BASP1: variants seen among roughly 807,000 people sequenced by gnomAD.
BASP1 encodes the protein brain acid soluble protein 1.
In BASP1, 1 loss-of-function variant was observed where a neutral mutation model predicts 2.2. The ratio of observed to expected loss-of-function variants is 0.46; its 90% CI spans 0.16 to 2.17. BASP1 has a LOEUF of 2.17. Ranked by LOEUF, BASP1 falls within the 30% of genes most tolerant of loss-of-function variation. The pLI is 0.27. For missense variants in BASP1, 352 were observed against 327.2 expected (o/e 1.08, Z -0.58); for synonymous variants, 187 against 154.2 (o/e 1.21, Z -1.58).
At chr5:17,257,258 A>T (rs1740232964) in intron 1 of BASP1, among the ~76,000 whole-genome samples, 1 of 152,244 alleles carries the variant, frequency 6.6e-6, no homozygotes, top group South Asian at 2.1e-4. Context: ...TCTACAGATT[A>T]TATAACAGAT....
chr5:17,222,350 T>C (rs1019032357), intron 1 of BASP1, among the ~76,000 whole-genome samples: 6 of 152,178 alleles, frequency 3.9e-5, no homozygotes, highest in Admixed American at 2.6e-4. Context: ...GAAGTGGCAT[T>C]TAAGTTCTCT....
intron 1 of BASP1, among the ~76,000 whole-genome samples, chr5:17,264,279 T>TA: frequency 6.6e-6 from 1 of 152,344 alleles, no homozygotes; most frequent in Non-Finnish European, 1.5e-5. Flanking sequence ...TTTCTTTATA[T>TA]AAAAAAGAAT....
intron 1 of BASP1, among the ~76,000 whole-genome samples, chr5:17,234,166 A>G (rs1739693437): frequency 1.3e-5 from 2 of 152,106 alleles, no homozygotes. Flanking sequence ...ACAAAAAACA[A>G]TACTGGAAAA....
intron 1 of BASP1, among the ~76,000 whole-genome samples, chr5:17,269,408 A>AAGGACC (rs1284626977): frequency 6.6e-6 from 1 of 152,144 alleles, no homozygotes; most frequent in Non-Finnish European, 1.5e-5. Flanking sequence ...GTAGGCAAAA[A>AAGGACC]AGGACCAGGC....
At chr5:17,266,019 C>T (rs1020252538) in intron 1 of BASP1, among the ~76,000 whole-genome samples, 1 of 152,186 alleles carries the variant, frequency 6.6e-6, no homozygotes, top group African/African-American at 2.4e-5. Context: ...TCAGTAACTC[C>T]AGTCGCCACA....
intron 1 of BASP1, among the ~76,000 whole-genome samples, chr5:17,223,788 T>G (rs1739436730): frequency 6.6e-6 from 1 of 152,220 alleles, no homozygotes; most frequent in South Asian, 2.1e-4. Context: ...AGCTTTGTTG[T>G]GTCTTGAATC....
Position 17,251,654 on chromosome 5 carries a change from TTTTAGTGGAACATA to T in BASP1, c.-9-23539_-9-23526del, listed in dbSNP as rs568375686. 1.5e-3 allele frequency among the ~76,000 whole-genome samples: 225 copies of T among 152,272 alleles called. 1 individual carries two copies. The highest frequency in any genetic ancestry group is 4.8e-3 in the African/African-American group (200 of 41,542). ...ACCTAGCAGTGGAGTTATGAACATA[TTTTAGTGGAACATA>T]TTTAGTGGAACATAAGCATTGGATG... is the stretch of plus-strand genomic sequence containing the variant. On this transcript the variant is annotated intron_variant, in intron 1 of 1. Coordinates refer to ENST00000322611, the MANE Select transcript of BASP1 (RefSeq NM_006317.5). The surrounding 1 kb of genome is among the most constrained non-coding windows in gnomAD (Gnocchi z 4.0).
chr5:17,224,943 C>T (rs1739465196), intron 1 of BASP1, among the ~76,000 whole-genome samples: 1 of 152,264 alleles, frequency 6.6e-6, no homozygotes. Context: ...GCAGGATCCA[C>T]TTACAGAAAG....
In BASP1 at chr5:17,251,314, C is replaced by T. The variant is rs1331381220; in HGVS notation, c.-9-23894C>T. Among the ~76,000 whole-genome samples, 1 of 152,048 alleles carries T rather than the reference C, an allele frequency of 6.6e-6. No individual in the cohort carries two copies. Among genetic ancestry groups the T allele is most frequent in the African/African-American group, 2.4e-5 (1 of 41,380 alleles). On this transcript the variant is annotated intron_variant, in intron 1 of 1. Transcript: ENST00000322611. The surrounding 1 kb of genome is among the most constrained non-coding windows in gnomAD (Gnocchi z 4.0). ...CCCCAAAATACATAAAATGGTTATA[C>T]ATCAATACAAAAGCATTAAACATCC...
chr5:17,233,237 A>G (rs1739670183), intron 1 of BASP1, among the ~76,000 whole-genome samples: 1 of 152,236 alleles, frequency 6.6e-6, no homozygotes, highest in Non-Finnish European at 1.5e-5. Flanking sequence ...GGGTTGAAAT[A>G]TAAGATATTC....
intron 1 of BASP1, among the ~76,000 whole-genome samples, chr5:17,228,917 A>G (rs1190194165): frequency 6.6e-6 from 1 of 152,206 alleles, no homozygotes; most frequent in African/African-American, 2.4e-5. Context: ...AAAAAATGTT[A>G]CTGCTGTTTC....
intron 1 of BASP1, among the ~76,000 whole-genome samples, chr5:17,270,057 A>G (rs780635974): frequency 2.6e-5 from 4 of 152,042 alleles, no homozygotes; most frequent in Non-Finnish European, 5.9e-5. Flanking sequence ...GTGGAGTGCA[A>G]TTGTGCGATC....
chr5:17,255,760 C>T (rs1314157703), intron 1 of BASP1, among the ~76,000 whole-genome samples: 1 of 152,180 alleles, frequency 6.6e-6, no homozygotes, highest in Non-Finnish European at 1.5e-5. Context: ...ATCTCTTTCA[C>T]TTCCACCTTC....
At chr5:17,249,402 C>G (rs1441058987) in intron 1 of BASP1, among the ~76,000 whole-genome samples, 1 of 152,102 alleles carries the variant, frequency 6.6e-6, no homozygotes, top group Admixed American at 6.6e-5. Context: ...GTGGTAGATC[C>G]CTACTGAGCT....
At chr5:17,228,577 T>C (rs1484924074) in intron 1 of BASP1, among the ~76,000 whole-genome samples, 2 of 152,252 alleles carry the variant, frequency 1.3e-5, no homozygotes. Context: ...CCCTTCTTGC[T>C]TAAATCAAAT....
intron 1 of BASP1, among the ~76,000 whole-genome samples, chr5:17,274,304 A>T (rs1740584455): frequency 6.6e-6 from 1 of 152,174 alleles, no homozygotes. Context: ...AGCAAGAGAC[A>T]CTGGCTTTTT....
At chr5:17,222,251 A>G (rs1739406526) in intron 1 of BASP1, among the ~76,000 whole-genome samples, 1 of 152,262 alleles carries the variant, frequency 6.6e-6, no homozygotes, top group Middle Eastern at 3.4e-3. Context: ...TTATATGGGA[A>G]TTAGCCTGAA....
rs181093827 is a variant in BASP1 at position 17,248,575 on chromosome 5, A to G, written c.-9-26633A>G. ...AATAATCATTACATTAGACGGTTCA[A>G]TCTTTATCCAAAGATTGGACATTCT... On this transcript the variant is annotated intron_variant, in intron 1 of 1. Transcript: ENST00000322611. Among the ~76,000 whole-genome samples, 20 of 152,316 alleles carry G rather than the reference A, an allele frequency of 1.3e-4. No individual in the cohort carries two copies. The East Asian group carries it at 2.1e-3, about 16-fold the overall frequency.
intron 1 of BASP1, among the ~76,000 whole-genome samples, chr5:17,273,798 G>T (rs116125714): frequency 1.3e-5 from 2 of 152,066 alleles, no homozygotes; most frequent in Non-Finnish European, 2.9e-5. Context: ...CCTCCCTTGG[G>T]GTCCAGGGCA....
Sources: gnomAD v4.1 joint callset for allele counts (sites outside exome capture counted in the v4.1 genomes callset) on GRCh38, gnomAD v4.1.1 for gene constraint, Gnocchi (gnomAD v3.1) non-coding constraint, MANE v1.5 for transcripts, NCBI Gene and HGNC (gene_info 2026-07-23, HGNC 2026-07-21) for gene names.